The following NAALADL2 variants were observed in gnomAD, a reference collection of about 807,000 sequenced individuals.
NAALADL2 encodes the protein inactive N-acetylated-alpha-linked acidic dipeptidase-like protein 2.
A neutral mutation model predicts 87.2 loss-of-function variants in NAALADL2; 76 were observed. The observed-to-expected ratio is 0.87, with a 90% CI of 0.72 to 1.05. The LOEUF (loss-of-function observed/expected upper bound fraction) is 1.05. Ranked by LOEUF, NAALADL2 falls within the 50% of genes least tolerant of loss-of-function variation. The pLI is 0.00. For synonymous variants in NAALADL2, 354 were observed against 331.0 expected (o/e 1.07, Z -0.75); for missense variants, 1,089 against 945.8 (o/e 1.15, Z -1.99).
intron 2 of NAALADL2, among the ~76,000 whole-genome samples, chr3:175,107,728 CATT>C (rs1357629531): frequency 6.6e-6 from 1 of 150,990 alleles, no homozygotes; most frequent in African/African-American, 2.4e-5. Context: ...TACCAATGTT[CATT>C]ATTATATTTA....
intron 1 of NAALADL2, among the ~76,000 whole-genome samples, chr3:174,895,895 C>T (rs1307728202): frequency 6.6e-6 from 1 of 151,816 alleles, no homozygotes; most frequent in Non-Finnish European, 1.5e-5. Context: ...TCAACATATG[C>T]AAATTAATCA....
At chr3:175,707,374 A>G (rs1739861118) in intron 11 of NAALADL2, among the ~76,000 whole-genome samples, 1 of 152,166 alleles carries the variant, frequency 6.6e-6, no homozygotes, top group Non-Finnish European at 1.5e-5. Flanking sequence ...TCAACTGTTT[A>G]GAAATGTAAA....
chr3:174,645,527 A>G (rs1191706207), intron 2 of NAALADL2, among the ~76,000 whole-genome samples: 2 of 152,210 alleles, frequency 1.3e-5, no homozygotes, highest in Non-Finnish European at 2.9e-5. Flanking sequence ...GCTTATGCCC[A>G]TGTAATTGGT....
chr3:174,812,457 T>A (rs540037866), intron 3 of NAALADL2, among the ~76,000 whole-genome samples: 16 of 152,336 alleles, frequency 1.1e-4, no homozygotes, highest in African/African-American at 3.8e-4. Context: ...TAGTACGTAA[T>A]ACTTGATAAT....
chr3:175,346,670 C>G (rs1250675139), intron 5 of NAALADL2, among the ~76,000 whole-genome samples: 1 of 151,644 alleles, frequency 6.6e-6, no homozygotes, highest in South Asian at 2.1e-4. Context: ...GACATTTTTT[C>G]AGTTTCTGTG....
At chr3:175,152,743 T>C (rs1731727324) in intron 2 of NAALADL2, among the ~76,000 whole-genome samples, 1 of 151,788 alleles carries the variant, frequency 6.6e-6, no homozygotes, top group African/African-American at 2.4e-5. Context: ...CTGTCTCTAT[T>C]AAAAATACAA....
chr3:175,240,958 G>A lies in NAALADL2; in HGVS notation c.819+6754G>A, dbSNP rs180723336. ...TTACAGGCATGAGCCACTGTGCCAGGCCCAGGTTTGAAGTTTTTTAATGGT... is the reference window on the plus strand; with the variant it reads ...TTACAGGCATGAGCCACTGTGCCAGACCCAGGTTTGAAGTTTTTTAATGGT... On this transcript the variant is annotated intron_variant, in intron 3 of 13. Transcript: ENST00000454872. Among the ~76,000 whole-genome samples, 43 of 152,242 alleles carry A rather than the reference G, an allele frequency of 2.8e-4. 1 individual carries two copies. The South Asian group carries it at 6.4e-3, about 23-fold the overall frequency.
intron 1 of NAALADL2, among the ~76,000 whole-genome samples, chr3:174,890,365 A>G (rs984652593): frequency 1.3e-5 from 2 of 152,122 alleles, no homozygotes. Flanking sequence ...TAAATAGAAC[A>G]CTGTTCTTAT....
intron 4 of NAALADL2, among the ~76,000 whole-genome samples, chr3:175,278,903 C>T (rs1242174542): frequency 1.3e-5 from 2 of 152,140 alleles, no homozygotes; most frequent in Admixed American, 1.3e-4. Flanking sequence ...AAATATTTGT[C>T]TGTAGGACTA....
At position 174,553,298 on chromosome 3, in the gene NAALADL2, CAA is replaced by C. The variant is rs1485550555; in HGVS notation, c.-115+2663_-115+2664del. Among the ~76,000 whole-genome samples the C allele has an allele frequency of 2.0e-5, 3 of 152,034 alleles. No individual in the cohort carries two copies. In the South Asian group the frequency reaches 6.2e-4, roughly 32 times the overall value. On this transcript the variant is annotated intron_variant, in intron 2 of 3. Coordinates refer to the NAALADL2 transcript ENST00000434257. ...ACATGTGTAAGAAAGCAAAACCAAA[CAA>C]ATCTGGATTTGTATATTTGGTCAAT...
At chr3:175,215,026 T>C (rs1430404972) in intron 2 of NAALADL2, among the ~76,000 whole-genome samples, 1 of 152,146 alleles carries the variant, frequency 6.6e-6, no homozygotes, top group Non-Finnish European at 1.5e-5. Flanking sequence ...GCTTATTTAG[T>C]GGTTCTCAGC....
intron 3 of NAALADL2, among the ~76,000 whole-genome samples, chr3:175,238,300 T>G (rs1746257686): frequency 6.6e-6 from 1 of 152,114 alleles, no homozygotes; most frequent in Admixed American, 6.6e-5. Context: ...AAAAAACTTT[T>G]AAAATGCAGC....
chr3:175,048,093 C>G (rs1295348345), intron 1 of NAALADL2, among the ~76,000 whole-genome samples: 1 of 152,028 alleles, frequency 6.6e-6, no homozygotes, highest in Non-Finnish European at 1.5e-5. Context: ...ATTTCTGTAG[C>G]TTTTTGATAA....
chr3:174,803,804 T>G (rs1418653918), intron 3 of NAALADL2, among the ~76,000 whole-genome samples: 2 of 152,048 alleles, frequency 1.3e-5, no homozygotes, highest in Non-Finnish European at 2.9e-5. Context: ...ATTTCTGAGG[T>G]CTCTATTCTG....
intron 2 of NAALADL2, among the ~76,000 whole-genome samples, chr3:174,655,384 C>A (rs1724807722): frequency 6.7e-6 from 1 of 148,586 alleles, no homozygotes; most frequent in Admixed American, 6.7e-5. Context: ...GTTACATGAA[C>A]AACAGTCATT....
At chr3:174,591,509 G>C (rs1717357959) in intron 2 of NAALADL2, among the ~76,000 whole-genome samples, 1 of 152,148 alleles carries the variant, frequency 6.6e-6, no homozygotes, top group East Asian at 1.9e-4. Flanking sequence ...TAGCACGCCT[G>C]ATGGATGGAG....
At chr3:175,489,274 A>T (rs1364609545) in intron 9 of NAALADL2, among the ~76,000 whole-genome samples, 1 of 152,190 alleles carries the variant, frequency 6.6e-6, no homozygotes, top group Non-Finnish European at 1.5e-5. Flanking sequence ...ATAGTTAGGG[A>T]AGCATAATGA....
At chr3:175,013,040 A>ACAC in intron 1 of NAALADL2, among the ~76,000 whole-genome samples, 1 of 127,072 alleles carries the variant, frequency 7.9e-6, no homozygotes, top group Non-Finnish European at 1.6e-5. Flanking sequence ...ATAAATATAT[A>ACAC]ATATATACAT....
chr3:175,667,243 A>AAAGAAAGAAAGAAAGAAAG (rs1560943730), intron 11 of NAALADL2, among the ~76,000 whole-genome samples: 1 of 105,150 alleles, frequency 9.5e-6, no homozygotes, highest in Non-Finnish European at 2.1e-5. Context: ...AAGAAAGAAA[A>AAAGAAAGAAAGAAAGAAAG]AGAAAGAAAG....
Sources: allele counts gnomAD v4.1 joint callset (sites outside exome capture counted in the v4.1 genomes callset), GRCh38; gene constraint gnomAD v4.1.1; transcripts MANE v1.5; gene names NCBI Gene and HGNC (gene_info 2026-07-23, HGNC 2026-07-21).